The following DDX23 variants were observed in gnomAD, a reference collection of about 807,000 sequenced individuals.
DDX23 encodes probable ATP-dependent RNA helicase DDX23.
A neutral mutation model predicts 102.7 loss-of-function variants in DDX23; 33 were observed. That is an observed-to-expected ratio of 0.32 (90% CI 0.24 to 0.43). DDX23 has a LOEUF of 0.43. Ranked by LOEUF, DDX23 falls within the 20% of genes least tolerant of loss-of-function variation. The pLI, the probability that DDX23 is intolerant of heterozygous loss-of-function variation, is 1.00. For missense variants in DDX23, 549 were observed against 1,086.6 expected (o/e 0.51, Z 6.96); for synonymous variants, 352 against 376.0 (o/e 0.94, Z 0.74).
chr12:48,851,948 C>T (rs1425592998), intron 1 of DDX23, 136 bp downstream of exon 1: 1 of 152,574 alleles, frequency 6.6e-6, no homozygotes, highest in African/African-American at 2.4e-5. Context: ...TCCAGCCCGC[C>T]CGAGCTTCCC....
rs748725170 is a variant in DDX23, at chr12:48,832,199, G to A, written c.1956-13C>T. ...CAGCAGCTTTTTCCTGGAAGGAAGA[G>A]GAGAAAAACAAGATGCATAATACCT... On this transcript the variant is annotated splice_polypyrimidine_tract_variant and intron_variant, in intron 14 of 16. Transcript: ENST00000308025. The surrounding 1 kb of genome is among the most constrained non-coding windows in gnomAD (Gnocchi z 4.4). The A allele has an allele frequency of 6.2e-7, 1 of 1,613,700 alleles. No individual in the cohort carries two copies. Among genetic ancestry groups the A allele is most frequent in the East Asian group, 2.2e-5 (1 of 44,874 alleles).
intron 3 of DDX23, 176 bp from the exon 4 acceptor site, chr12:48,840,282 AC>A: frequency 1.5e-6 from 1 of 679,858 alleles, no homozygotes; most frequent in Admixed American, 2.1e-5. Context: ...CAGCTCTGAA[AC>A]CTAATTATGG....
In DDX23 at chr12:48,832,039, CCA is replaced by C; in HGVS notation, c.2064+37_2064+38del. ...GCCCTGCTAGATTCAGAAAGCAGTGCCACAGAGGCTAGACTTTGTTCTCCCCT... is the reference window on the plus strand; with the variant it reads ...GCCCTGCTAGATTCAGAAAGCAGTGCCAGAGGCTAGACTTTGTTCTCCCCT... On this transcript the variant is annotated intron_variant, in intron 15 of 16. Coordinates refer to ENST00000308025, the MANE Select transcript of DDX23 (RefSeq NM_004818.3). The surrounding 1 kb of genome is among the most constrained non-coding windows in gnomAD (Gnocchi z 4.4). 1.3e-6 allele frequency: 2 copies of C among 1,590,106 alleles called. No individual in the cohort carries two copies. The highest frequency in any genetic ancestry group is 2.2e-5 in the South Asian group (2 of 90,516).
At position 48,833,459 on chromosome 12, in the gene DDX23, T is replaced by C; in HGVS notation, c.1621A>G (p.Ser541Gly). 1 of 1,614,158 alleles carries C rather than the reference T, an allele frequency of 6.2e-7. No homozygotes were observed. ...TCCAGAACCACATAGGTACAGCGGCTCAGCACCAGGTAGCGGTTCTCCAGC... is the reference window on the plus strand; with the variant it reads ...TCCAGAACCACATAGGTACAGCGGCCCAGCACCAGGTAGCGGTTCTCCAGC... ...DVLENRYLVL[S>G]RCTYVVLDEA... Residue 541 changes from serine (S) to glycine (G), a missense_variant, in exon 13 of 17, where the codon AGC becomes GGC. Ser to Gly is a moderately conservative substitution (Grantham distance 56, BLOSUM62 0). Transcript: ENST00000308025.
chr12:48,846,136 TTTA>T (rs1353952302), intron 1 of DDX23, among the ~76,000 whole-genome samples: 3 of 123,790 alleles, frequency 2.4e-5, no homozygotes, highest in African/African-American at 5.5e-5. Flanking sequence ...GCCTAGCTAA[TTTA>T]TTTTTTTTAT....
intron 3 of DDX23, 183 bp from the exon 4 acceptor site, chr12:48,840,289 T>G (rs1938529469): frequency 2.4e-5 from 16 of 670,110 alleles, no homozygotes; most frequent in Non-Finnish European, 4.1e-5. Context: ...GAAACCTAAT[T>G]ATGGCCCTGT....
intron 1 of DDX23, 149 bp from the exon 2 acceptor site, chr12:48,845,931 A>T: frequency 2.2e-6 from 2 of 892,606 alleles, no homozygotes; most frequent in Non-Finnish European, 3.3e-6. Context: ...CAGGTATATA[A>T]AGGAACTTGT....
chr12:48,833,004 A>G, intron 13 of DDX23: 1 of 498,270 alleles, frequency 2.0e-6, no homozygotes, highest in Non-Finnish European at 3.6e-6. Flanking sequence ...TTTTTGAGAC[A>G]GGGCCTCACT....
At chr12:48,833,597 G>T (rs977289301) in intron 12 of DDX23, 78 bp from the exon 13 acceptor site, 22 of 1,542,726 alleles carry the variant, frequency 1.4e-5, no homozygotes, top group African/African-American at 2.7e-5. Flanking sequence ...CACCCACTTG[G>T]GTGACAGACC....
intron 15 of DDX23, 152 bp from the exon 16 acceptor site, chr12:48,831,468 A>G: frequency 1.3e-6 from 1 of 773,358 alleles, no homozygotes. Flanking sequence ...CAGTGAAAGA[A>G]GGAGAGAACA....
rs1938468299 is a variant in DDX23, at chr12:48,836,414, AC to A, written c.1237-149del. 1 of 1,241,452 alleles carries A rather than the reference AC, an allele frequency of 8.1e-7. No homozygotes were observed. Among genetic ancestry groups the A allele is most frequent in the African/African-American group, 1.5e-5 (1 of 66,444 alleles). 76.9% of individuals were successfully genotyped at this position (1,241,452 alleles called of 1,614,324 possible). A position where few individuals can be genotyped will look rare whatever the true frequency, so the allele number is the denominator to read the frequency against. On this transcript the variant is annotated intron_variant, in intron 10 of 16. Transcript: ENST00000308025. This position sits in a 1 kb window ranked among gnomAD's most constrained non-coding sequence, Gnocchi z 6.1. Reference sequence around the variant, plus strand: ...AGGGACCCCAAGAAGAAACCTAATCACTAAAAGCCAACACTTCTACCAGAAA... The same window carrying A: ...AGGGACCCCAAGAAGAAACCTAATCATAAAAGCCAACACTTCTACCAGAAA...
chr12:48,833,183 C>T (rs1938417274), intron 13 of DDX23, 94 bp downstream of exon 13: 2 of 1,552,168 alleles, frequency 1.3e-6, no homozygotes, highest in Non-Finnish European at 1.7e-6. Flanking sequence ...CGGAGTTTCG[C>T]CATGTTGCCC....
chr12:48,840,288 T>C (rs1938529432), intron 3 of DDX23, 182 bp from the exon 4 acceptor site: 3 of 672,850 alleles, frequency 4.5e-6, no homozygotes, highest in Non-Finnish European at 5.4e-6. Flanking sequence ...TGAAACCTAA[T>C]TATGGCCCTG....
At chr12:48,839,973 G>A (rs762834764) in intron 4 of DDX23, 40 bp downstream of exon 4, 29 of 1,610,380 alleles carry the variant, frequency 1.8e-5, no homozygotes, top group African/African-American at 6.7e-5. Flanking sequence ...ACAAAGCAAC[G>A]CACGAGTTGA....
chr12:48,845,381 C>T (rs1938648548), intron 2 of DDX23, among the ~76,000 whole-genome samples, 193 bp downstream of exon 2: 1 of 151,794 alleles, frequency 6.6e-6, no homozygotes, highest in Non-Finnish European at 1.5e-5. Flanking sequence ...CGTGAACCTG[C>T]GAGGCGGAGC....
intron 1 of DDX23, among the ~76,000 whole-genome samples, chr12:48,848,601 T>C (rs1938707974): frequency 6.8e-6 from 1 of 146,568 alleles, no homozygotes; most frequent in Admixed American, 6.9e-5. Flanking sequence ...GTTGTTGTTG[T>C]TGAGACAGGG....
rs779727586 is a variant in DDX23 at position 48,837,623 on chromosome 12, C to T, written c.654G>A (p.Arg218=). 1.9e-6 allele frequency: 3 copies of T among 1,614,044 alleles called. No individual in the cohort carries two copies. In the African/African-American group the frequency reaches 4.0e-5, roughly 22 times the overall value. ...DPQERERRER[R]ERMERETNGN... ...CATTGGTCTCCCGTTCCATCCTCTC[C>T]CTGCGTTCCCGACGTTCCCGTTCCT... Residue 218 remains arginine, a synonymous_variant, in exon 7 of 17, where the codon AGG becomes AGA. Transcript: ENST00000308025.
At chr12:48,839,632 C>A in intron 5 of DDX23, 1 of 482,158 alleles carries the variant, frequency 2.1e-6, no homozygotes, top group Non-Finnish European at 3.7e-6. Flanking sequence ...TACATGTGTA[C>A]AGAGGGAGGA....
At chr12:48,839,627 G>T in intron 5 of DDX23, 2 of 482,672 alleles carry the variant, frequency 4.1e-6, no homozygotes, top group Non-Finnish European at 7.5e-6. Context: ...AGGGGTACAT[G>T]TGTACAGAGG....
Sources: gnomAD v4.1 joint callset for allele counts (sites outside exome capture counted in the v4.1 genomes callset) on GRCh38, gnomAD v4.1.1 for gene constraint, Gnocchi (gnomAD v3.1) non-coding constraint, MANE v1.5 for transcripts, NCBI Gene and HGNC (gene_info 2026-07-23, HGNC 2026-07-21) for gene names.